Variants in CDC123 observed in about 807,000 individuals in gnomAD.
CDC123 encodes the protein translation initiation factor eIF2 assembly protein.
In CDC123, 37 loss-of-function variants were observed where a neutral mutation model predicts 54.4. The observed-to-expected ratio is 0.68, with a 90% confidence interval of 0.52 to 0.89. The LOEUF (loss-of-function observed/expected upper bound fraction) is 0.89. Ranked by LOEUF, CDC123 falls within the 40% of genes least tolerant of loss-of-function variation. The pLI, the probability that CDC123 is intolerant of heterozygous loss-of-function variation, is 0.00. For synonymous variants in CDC123, 144 were observed against 136.8 expected (o/e 1.05, Z -0.37); for missense variants, 361 against 412.1 (o/e 0.88, Z 1.07).
Position 12,220,890 on chromosome 10 carries a change from T to C in CDC123, c.440+3423T>C, listed in dbSNP as rs369315852. ...TACTCGGGAGGCTGAGGCAGGAGAA[T>C]GGCGTGAACCCGGGAGGCGGAGCTT... On this transcript the variant is annotated intron_variant, in intron 6 of 12. Transcript: ENST00000281141. Among the ~76,000 whole-genome samples the C allele has an allele frequency of 2.6e-5, 4 of 151,568 alleles. No individual in the cohort carries two copies. In the East Asian group the frequency reaches 7.8e-4, roughly 29 times the overall value.
intron 4 of CDC123, among the ~76,000 whole-genome samples, chr10:12,212,649 A>G (rs1835618069): frequency 6.6e-6 from 1 of 152,174 alleles, no homozygotes; most frequent in Admixed American, 6.5e-5. Context: ...CCAAAACTTT[A>G]CGAGCACTAA....
intron 5 of CDC123, among the ~76,000 whole-genome samples, chr10:12,216,452 G>T (rs1835666365): frequency 6.6e-6 from 1 of 151,960 alleles, no homozygotes; most frequent in Non-Finnish European, 1.5e-5. Flanking sequence ...TCTAAGTTTT[G>T]TTTTTACTTT....
intron 6 of CDC123, among the ~76,000 whole-genome samples, chr10:12,219,269 G>C (rs11257603): frequency 6.6e-6 from 1 of 152,114 alleles, no homozygotes; most frequent in African/African-American, 2.4e-5. Flanking sequence ...GTGTTACATC[G>C]TATTACATGT....
In CDC123 at chr10:12,215,822, G is replaced by A; in HGVS notation, c.320G>A (p.Trp107Ter). The change falls in exon 5 of 13, where the codon TGG (tryptophan) becomes TAG (stop). Residue 107 changes from tryptophan (W) to a stop codon, truncating the protein, a stop_gained. Coordinates refer to ENST00000281141, the MANE Select transcript of CDC123 (RefSeq NM_006023.3). LOFTEE classifies it high-confidence loss of function. Reference protein sequence around the residue: ...LGGSVFPKLNWSAPRDAYWIA... With the variant: ...LGGSVFPKLN ...GGCAGTGTCTTTCCTAAGCTTAATTGGAGTGCCCCAAGGGTAGGAACACAT... is the reference window on the plus strand; with the variant it reads ...GGCAGTGTCTTTCCTAAGCTTAATTAGAGTGCCCCAAGGGTAGGAACACAT... The A allele has an allele frequency of 1.2e-6, 2 of 1,608,640 alleles. No homozygotes were observed. The highest frequency in any genetic ancestry group is 1.7e-6 in the Non-Finnish European group (2 of 1,176,878).
intron 2 of CDC123, among the ~76,000 whole-genome samples, chr10:12,199,061 G>C (rs1178084387): frequency 6.6e-6 from 1 of 152,168 alleles, no homozygotes; most frequent in Non-Finnish European, 1.5e-5. Context: ...GTAGCAGGGT[G>C]GGGGAAGTAC....
In CDC123 at chr10:12,225,773, T is replaced by TTA. The variant is rs1272620676; in HGVS notation, c.441-5175_441-5174insTA. On this transcript the variant is annotated intron_variant, in intron 6 of 12. Transcript: ENST00000281141. ...TTTTTTTTTTTTTTTTTTTTTTTTT[T>TTA]AGTATTTATTGATCATTCTTGGGTG... is the stretch of plus-strand genomic sequence containing the variant. Among the ~76,000 whole-genome samples the TTA allele has an allele frequency of 3.7e-4, 40 of 109,380 alleles. 1 individual carries two copies. The highest frequency in any genetic ancestry group is 1.2e-3 in the African/African-American group (39 of 31,640). 71.8% of individuals were successfully genotyped at this position (109,380 alleles called of 152,430 possible). A position where few individuals can be genotyped will look rare whatever the true frequency, so the allele number is the denominator to read the frequency against.
chr10:12,228,563 G>T (rs892979213), intron 6 of CDC123, among the ~76,000 whole-genome samples: 1 of 151,418 alleles, frequency 6.6e-6, no homozygotes, highest in African/African-American at 2.4e-5. Context: ...ACACCACCAG[G>T]CCTGGCTAAT....
intron 4 of CDC123, among the ~76,000 whole-genome samples, chr10:12,214,882 G>A (rs1027297935): frequency 6.6e-6 from 1 of 151,922 alleles, no homozygotes; most frequent in South Asian, 2.1e-4. Context: ...CTCTTTACAG[G>A]GTATAAATGA....
At chr10:12,198,256 C>T (rs1408116237) in intron 1 of CDC123, among the ~76,000 whole-genome samples, 1 of 152,228 alleles carries the variant, frequency 6.6e-6, no homozygotes, top group East Asian at 1.9e-4. Context: ...TAGGTGCTCA[C>T]TGCCAACCCA....
intron 6 of CDC123, among the ~76,000 whole-genome samples, chr10:12,221,774 T>A (rs1418688392): frequency 6.7e-6 from 1 of 149,652 alleles, no homozygotes; most frequent in East Asian, 1.9e-4. Flanking sequence ...TTTATTAAAA[T>A]TTATTTATTT....
Position 12,233,872 on chromosome 10 carries a change from A to T in CDC123, c.490-1176A>T, listed in dbSNP as rs537267278. ...GATGAGAAACTTATTAGTATATGAG[A>T]GTTTATATCTATTAAATAATTATTA... On this transcript the variant is annotated intron_variant, in intron 7 of 12. Coordinates refer to ENST00000281141, the MANE Select transcript of CDC123 (RefSeq NM_006023.3). Among the ~76,000 whole-genome samples, 5 of 152,016 alleles carry T rather than the reference A, an allele frequency of 3.3e-5. No homozygotes were observed. In the South Asian group the frequency reaches 1.0e-3, roughly 31 times the overall value.
At chr10:12,233,459 T>C (rs1266949850) in intron 7 of CDC123, among the ~76,000 whole-genome samples, 3 of 152,204 alleles carry the variant, frequency 2.0e-5, no homozygotes, top group Admixed American at 2.0e-4. Context: ...TTCTGTGTTT[T>C]GTGAAAATCA....
At chr10:12,210,813 G>A (rs997489025) in intron 4 of CDC123, among the ~76,000 whole-genome samples, 1 of 152,116 alleles carries the variant, frequency 6.6e-6, no homozygotes, top group African/African-American at 2.4e-5. Context: ...CTATTCTCCT[G>A]CCTCAGCCTC....
At chr10:12,210,086 G>A in intron 3 of CDC123, 62 bp downstream of exon 3, 1 of 1,552,528 alleles carries the variant, frequency 6.4e-7, no homozygotes, top group Non-Finnish European at 8.9e-7. Flanking sequence ...TCTCTGAGAT[G>A]GTTCTGACTT....
At chr10:12,219,991 C>T (rs1194264143) in intron 6 of CDC123, among the ~76,000 whole-genome samples, 2 of 152,014 alleles carry the variant, frequency 1.3e-5, no homozygotes, top group Admixed American at 6.6e-5. Flanking sequence ...CCCGGCCATG[C>T]CCAACTAATT....
chr10:12,217,579 A>G, intron 6 of CDC123, 112 bp downstream of exon 6: 2 of 1,063,886 alleles, frequency 1.9e-6, no homozygotes, highest in South Asian at 2.2e-5. Flanking sequence ...CCATATAACA[A>G]AGCTATTTCA....
chr10:12,203,879 G>T (rs914347839), intron 2 of CDC123, among the ~76,000 whole-genome samples: 3 of 152,112 alleles, frequency 2.0e-5, no homozygotes, highest in Non-Finnish European at 2.9e-5. Flanking sequence ...GATCACTTGA[G>T]GCCAGGAGAT....
Position 12,249,673 on chromosome 10 carries a change from C to T in CDC123, c.939C>T (p.Leu313=), listed in dbSNP as rs1204179984. Residue 313 remains leucine, a synonymous_variant, in exon 12 of 13, where the codon CTC becomes CTT. Coordinates refer to ENST00000281141, the MANE Select transcript of CDC123 (RefSeq NM_006023.3). ...SYRLPKDFVD[L]STGEDAHKLI... is the part of the protein sequence containing the mutation. ...GGCTACCCAAGGACTTTGTAGACCT[C>T]TCTACTGGGGAGGACGCTCACAAGC... The T allele has an allele frequency of 1.6e-5, 26 of 1,614,082 alleles. No individual in the cohort carries two copies. Among genetic ancestry groups the T allele is most frequent in the Non-Finnish European group, 2.0e-5 (24 of 1,180,058 alleles).
At chr10:12,232,583 A>G (rs1365027833) in intron 7 of CDC123, among the ~76,000 whole-genome samples, 4 of 152,120 alleles carry the variant, frequency 2.6e-5, no homozygotes, top group Non-Finnish European at 5.9e-5. Flanking sequence ...GAGTGCTTGT[A>G]GGTGAGATTC....
Sources: gnomAD v4.1 joint callset for allele counts (sites outside exome capture counted in the v4.1 genomes callset) on GRCh38, gnomAD v4.1.1 for gene constraint, MANE v1.5 for transcripts, NCBI Gene and HGNC (gene_info 2026-07-23, HGNC 2026-07-21) for gene names.